Variants in SAMD4B observed in about 807,000 individuals in gnomAD.
SAMD4B encodes sterile alpha motif domain containing 4B, also known as protein Smaug homolog 2.
SAMD4B carries 5 observed loss-of-function variants against 74.5 expected under a neutral mutation model. The ratio of observed to expected loss-of-function variants is 0.07; its 90% CI spans 0.04 to 0.14. The LOEUF (loss-of-function observed/expected upper bound fraction) is 0.14, where lower values mean the gene tolerates loss of function less well. Among genes scored for constraint, SAMD4B ranks in the 10% least tolerant of loss-of-function variants. SAMD4B has a pLI of 1.00. For missense variants in SAMD4B, 608 were observed against 921.8 expected (o/e 0.66, Z 4.41); for synonymous variants, 373 against 374.9 (o/e 1.00, Z 0.06).
At chr19:39,376,661 G>T (rs749216903) in intron 6 of SAMD4B, 44 bp from the exon 7 acceptor site, 1 of 1,601,854 alleles carries the variant, frequency 6.2e-7, no homozygotes, top group Admixed American at 1.7e-5. Context: ...AAATATCTCA[G>T]CCTCACATCT....
intron 3 of SAMD4B, among the ~76,000 whole-genome samples, chr19:39,368,843 A>C (rs556157291): frequency 6.6e-6 from 1 of 152,354 alleles, no homozygotes; most frequent in East Asian, 1.9e-4. Flanking sequence ...TTAGTGCTCC[A>C]TGAGGTTCAA....
At chr19:39,386,152 C>T, downstream of SAMD4B, 2 of 1,614,184 alleles carry the variant, frequency 1.2e-6, no homozygotes, top group Non-Finnish European at 1.7e-6. The surrounding 1 kb of genome is among the most constrained non-coding windows in gnomAD (Gnocchi z 6.1). Flanking sequence ...GAATCATTGT[C>T]ACTGCCACCT....
chr19:39,358,865 C>T (rs2076487772), intron 3 of SAMD4B, among the ~76,000 whole-genome samples: 2 of 152,200 alleles, frequency 1.3e-5, no homozygotes, highest in African/African-American at 4.8e-5. Flanking sequence ...CACACAGCTG[C>T]CTGGCCTCCC....
chr19:39,364,507 G>GC (rs1231081317), intron 3 of SAMD4B, among the ~76,000 whole-genome samples: 1 of 152,204 alleles, frequency 6.6e-6, no homozygotes, highest in East Asian at 1.9e-4. Context: ...GAAGCATACT[G>GC]CCCAGGCCAC....
chr19:39,357,214 G>T, intron 3 of SAMD4B, 125 bp downstream of exon 3: 1 of 741,036 alleles, frequency 1.3e-6, no homozygotes, highest in Non-Finnish European at 2.1e-6. Context: ...GGTGGGTGGG[G>T]AGTTCCTTAC....
chr19:39,379,312 CTT>C (rs922543875), intron 9 of SAMD4B, among the ~76,000 whole-genome samples: 71 of 152,308 alleles, frequency 4.7e-4, no homozygotes, highest in African/African-American at 1.5e-3. Context: ...CGTACATACT[CTT>C]TTGTCAGCAA....
rs769735156 is a variant in SAMD4B, at chr19:39,375,847, T to A, written c.865T>A (p.Ser289Thr). The part of the protein sequence containing the change: ...SGSEQTEEQG[S>T]SRNTFQEDGS... ...CAGTGAGCAGACAGAGGAGCAGGGCTCCAGCCGGAACACCTTCCAGGAGGA... is the reference window on the plus strand; with the variant it reads ...CAGTGAGCAGACAGAGGAGCAGGGCACCAGCCGGAACACCTTCCAGGAGGA... Residue 289 changes from serine to threonine, a missense_variant, in exon 5 of 14, where the codon TCC becomes ACC. By Grantham distance (58) the Ser-to-Thr change is moderately conservative. Coordinates refer to ENST00000610417, the MANE Select transcript of SAMD4B (RefSeq NM_001384574.2). This position sits in a 1 kb window ranked among gnomAD's most constrained non-coding sequence, Gnocchi z 4.1. The A allele has an allele frequency of 2.5e-6, 4 of 1,612,148 alleles. No individual in the cohort carries two copies. The highest frequency in any genetic ancestry group is 3.4e-6 in the Non-Finnish European group (4 of 1,179,974).
chr19:39,383,103 C>A lies in SAMD4B; in HGVS notation c.1973-105C>A. 2.3e-6 allele frequency: 2 copies of A among 888,436 alleles called. No individual in the cohort carries two copies. Among genetic ancestry groups the A allele is most frequent in the Non-Finnish European group, 1.9e-6 (1 of 521,684 alleles). 55.0% of individuals were successfully genotyped at this position (888,436 alleles called of 1,614,324 possible). ...CCTCCCGTTCTTCCCTCTCCCCCTC[C>A]ATCTCTCTTGCTCCCTTCCCATACC... On this transcript the variant is annotated intron_variant, in intron 12 of 13. Transcript: ENST00000610417. This position sits in a 1 kb window ranked among gnomAD's most constrained non-coding sequence, Gnocchi z 4.1.
At chr19:39,372,833 C>T (rs1419571088) in intron 4 of SAMD4B, among the ~76,000 whole-genome samples, 1 of 152,122 alleles carries the variant, frequency 6.6e-6, no homozygotes, top group Non-Finnish European at 1.5e-5. Context: ...ATTCCCCAGT[C>T]CCCCAGGGCC....
intron 2 of SAMD4B, among the ~76,000 whole-genome samples, chr19:39,356,186 G>GCTTGAAGTAATTTAAAGAGCC (rs1465718210): frequency 2.0e-5 from 3 of 152,126 alleles, no homozygotes; most frequent in Non-Finnish European, 4.4e-5. Flanking sequence ...TGTGGGTCTA[G>GCTTGAAGTAATTTAAAGAGCC]CTTGAAGTAA....
At chr19:39,361,620 A>G (rs2076655883) in intron 3 of SAMD4B, among the ~76,000 whole-genome samples, 1 of 147,756 alleles carries the variant, frequency 6.8e-6, no homozygotes, top group African/African-American at 2.5e-5. Flanking sequence ...CATCTAAAAA[A>G]AAAAGAGTTG....
intron 3 of SAMD4B, among the ~76,000 whole-genome samples, chr19:39,358,583 G>A (rs1183366678): frequency 1.3e-5 from 2 of 149,684 alleles, no homozygotes; most frequent in African/African-American, 4.9e-5. Flanking sequence ...ATGATATCCT[G>A]AGAAGTATGT....
chr19:39,373,893 G>T (rs1156371641), intron 4 of SAMD4B, among the ~76,000 whole-genome samples: 1 of 152,058 alleles, frequency 6.6e-6, no homozygotes, highest in African/African-American at 2.4e-5. Flanking sequence ...GAACCCGGGA[G>T]GCAGAGGTTG....
At chr19:39,358,021 A>G (rs999805110) in intron 3 of SAMD4B, among the ~76,000 whole-genome samples, 4 of 152,222 alleles carry the variant, frequency 2.6e-5, no homozygotes, top group African/African-American at 9.6e-5. Context: ...CTGTAATCCC[A>G]GCACTTTAGG....
downstream of SAMD4B, chr19:39,388,447 C>T: frequency 6.2e-7 from 1 of 1,614,142 alleles, no homozygotes; most frequent in Non-Finnish European, 8.5e-7. Flanking sequence ...GTTGTACTCC[C>T]GAGCAATTTT....
At chr19:39,352,487 GGGA>G (rs2076097549) in intron 1 of SAMD4B, 1 of 140,524 alleles carries the variant, frequency 7.1e-6, no homozygotes, top group South Asian at 2.2e-4. Context: ...TCCTCTTTAG[GGGA>G]AAAAAAAAAA....
chr19:39,365,811 A>G (rs570395264), intron 3 of SAMD4B, among the ~76,000 whole-genome samples: 1 of 152,364 alleles, frequency 6.6e-6, no homozygotes, highest in African/African-American at 2.4e-5. Flanking sequence ...TATTGTCAGT[A>G]GTAGCAACAG....
At position 39,380,575 on chromosome 19, in the gene SAMD4B, GCT is replaced by G. The variant is rs1198654072; in HGVS notation, c.1650-6_1650-5del. ...TATGTAAATTAACACCCTGCCTTCT[GCT>G]CTCTCATAGCTGGGCATTCGGCTCC... On this transcript the variant is annotated splice_polypyrimidine_tract_variant and intron_variant, in intron 10 of 13. Coordinates refer to ENST00000610417, the MANE Select transcript of SAMD4B (RefSeq NM_001384574.2). 15 of 1,613,890 alleles carry G rather than the reference GCT, an allele frequency of 9.3e-6. No individual in the cohort carries two copies. Among genetic ancestry groups the G allele is most frequent in the Non-Finnish European group, 1.2e-5 (14 of 1,179,988 alleles).
intron 4 of SAMD4B, among the ~76,000 whole-genome samples, chr19:39,373,351 T>C (rs189053870): frequency 2.4e-4 from 37 of 152,214 alleles, no homozygotes; most frequent in Non-Finnish European, 4.7e-4. Context: ...TGAAACTTCG[T>C]TGGAAGGACT....
Sources: allele counts gnomAD v4.1 joint callset (sites outside exome capture counted in the v4.1 genomes callset), GRCh38; gene constraint gnomAD v4.1.1; non-coding constraint Gnocchi (gnomAD v3.1); transcripts MANE v1.5; gene names NCBI Gene and HGNC (gene_info 2026-07-23, HGNC 2026-07-21).